The following VDR variants were observed in gnomAD, a reference collection of about 807,000 sequenced individuals.
VDR encodes vitamin D3 receptor.
Under a neutral mutation model 39.7 loss-of-function variants are expected in VDR, and 19 were observed. That is an observed-to-expected ratio of 0.48 (90% CI 0.33 to 0.70). The LOEUF is 0.70. Ranked by LOEUF, VDR falls within the 30% of genes least tolerant of loss-of-function variation. VDR has a pLI of 0.02. For synonymous variants in VDR, 242 were observed against 215.8 expected, an observed-to-expected ratio of 1.12 and a Z score of -1.07; for missense variants, 442 against 570.5, an observed-to-expected ratio of 0.77 and a Z score of 2.29.
At chr12:47,871,334 C>CTTTCTTTCTTTCTTTCTTTCTTTCTTTCT (rs1945867831) in intron 3 of VDR, among the ~76,000 whole-genome samples, 1 of 145,334 alleles carries the variant, frequency 6.9e-6, no homozygotes, top group African/African-American at 2.5e-5. Context: ...TTCTTTCTTT[C>CTTTCTTTCTTTCTTTCTTTCTTTCTTTCT]TTTCTTTCTT....
At chr12:47,878,777 A>G (rs1946065034) in intron 3 of VDR, 191 bp downstream of exon 3, 6 of 886,334 alleles carry the variant, frequency 6.8e-6, no homozygotes, top group Non-Finnish European at 1.1e-5. Context: ...TCAGAGGAAC[A>G]TCTGGAGCTG....
At chr12:47,878,408 A>G (rs1946051789) in intron 3 of VDR, among the ~76,000 whole-genome samples, 1 of 152,200 alleles carries the variant, frequency 6.6e-6, no homozygotes, top group African/African-American at 2.4e-5. Flanking sequence ...CTGATCAAAC[A>G]GGAATGCAGG....
intron 1 of VDR, among the ~76,000 whole-genome samples, chr12:47,888,735 G>C (rs1446412564): frequency 1.3e-5 from 2 of 152,138 alleles, no homozygotes; most frequent in African/African-American, 4.8e-5. Context: ...AGAACCATGG[G>C]TATTTAGAGG....
chr12:47,878,158 C>T (rs921147647), intron 3 of VDR, among the ~76,000 whole-genome samples: 14 of 152,378 alleles, frequency 9.2e-5, no homozygotes, highest in African/African-American at 3.1e-4. Flanking sequence ...TAGCCACCTC[C>T]AGTCTAGACC....
chr12:47,887,711 C>A (rs1946284326), intron 1 of VDR, among the ~76,000 whole-genome samples: 1 of 152,224 alleles, frequency 6.6e-6, no homozygotes, highest in Non-Finnish European at 1.5e-5. Context: ...GTGCTCCCAG[C>A]AGGGCTGCCA....
At position 47,844,858 on chromosome 12, in the gene VDR, C is replaced by A; in HGVS notation, c.1172G>T (p.Arg391Leu). ...CTTGGAGTGCTCCTCATTGAGGCTG[C>A]GCAGGTCGGCTAGCTTCTGGATCAT... ...AKMIQKLADL[R>L]SLNEEHSKQY... The change falls in exon 10 of 10, where the codon CGC becomes CTC. Residue 391 changes from arginine to leucine, a missense_variant. Around this residue, in one of 5 missense-constraint regions of VDR, gnomAD observed 173 missense variants for 252.0 expected, o/e 0.69. Transcript: ENST00000549336. 6.2e-7 allele frequency: 1 copy of A among 1,614,176 alleles called. No individual in the cohort carries two copies. The highest frequency in any genetic ancestry group is 1.1e-5 in the South Asian group (1 of 91,086).
chr12:47,869,396 C>A (rs1945804270), intron 3 of VDR, among the ~76,000 whole-genome samples: 2 of 151,830 alleles, frequency 1.3e-5, no homozygotes, highest in Admixed American at 6.6e-5. Context: ...ATTAGCCGGG[C>A]GTGTTGGCGG....
At chr12:47,899,176 C>A (rs1016231328) in intron 1 of VDR, among the ~76,000 whole-genome samples, 4 of 152,164 alleles carry the variant, frequency 2.6e-5, no homozygotes, top group Non-Finnish European at 5.9e-5. Context: ...TAGTCAGGTG[C>A]CAGGACAGCC....
chr12:47,857,675 A>G lies in VDR; in HGVS notation c.291T>C (p.Asp97=). The G allele has an allele frequency of 6.2e-7, 1 of 1,613,628 alleles. No homozygotes were observed. Among genetic ancestry groups the G allele is most frequent in the Non-Finnish European group, 8.5e-7 (1 of 1,179,786 alleles). ...TCTCCCGCTTCCTCTGCACTTCCTC[A>G]TCTGTCAGAATGACTGTGGGGTGGG... ...IGMMKEFILT[D]EEVQRKREMI... The change falls in exon 5 of 10, where the codon GAT becomes GAC. Residue 97 remains aspartate, a synonymous_variant. Coordinates refer to ENST00000549336, the MANE Select transcript of VDR (RefSeq NM_000376.3).
chr12:47,888,305 C>T (rs1946299707), intron 1 of VDR, among the ~76,000 whole-genome samples: 1 of 152,108 alleles, frequency 6.6e-6, no homozygotes, highest in South Asian at 2.1e-4. Flanking sequence ...AGTTGAGATT[C>T]GGTGGGGACG....
chr12:47,876,218 A>ACT (rs1480119324), intron 3 of VDR, among the ~76,000 whole-genome samples: 3 of 83,862 alleles, frequency 3.6e-5, no homozygotes, highest in African/African-American at 6.9e-5. Flanking sequence ...ATGAAGGTTG[A>ACT]CTGTGTGTGT....
intron 3 of VDR, among the ~76,000 whole-genome samples, chr12:47,869,244 T>C (rs1355896483): frequency 3.3e-5 from 5 of 151,988 alleles, no homozygotes; most frequent in African/African-American, 1.2e-4. Context: ...AGGCTAGGAA[T>C]AGGAAGAGAA....
Position 47,857,660 on chromosome 12 carries a change from C to A in VDR, c.306G>T (p.Arg102Ser). ...TCCGCTTCAGGATCATCTCCCGCTT[C>A]CTCTGCACTTCCTCATCTGTCAGAA... ...EFILTDEEVQRKREMILKRKE... is the reference protein window; with the variant it reads ...EFILTDEEVQSKREMILKRKE... The change falls in exon 5 of 10, where the codon AGG becomes AGT. Residue 102 changes from arginine to serine, a missense_variant. Around this residue, in one of 5 missense-constraint regions of VDR, gnomAD observed 46 missense variants for 82.0 expected, o/e 0.56. Transcript: ENST00000549336. 6.2e-7 allele frequency: 1 copy of A among 1,614,150 alleles called. No homozygotes were observed. The highest frequency in any genetic ancestry group is 8.5e-7 in the Non-Finnish European group (1 of 1,180,008).
rs986407270 is a variant in VDR, at chr12:47,841,887, T to A, written c.*2859A>T. The A allele has an allele frequency of 1.3e-5, 2 of 152,380 alleles. No homozygotes were observed. Among genetic ancestry groups the A allele is most frequent in the Non-Finnish European group, 2.9e-5 (2 of 68,040 alleles). The allele number at this position is 152,380 out of a possible 1,614,324, so 9.4% of individuals were successfully genotyped here. A position where few individuals can be genotyped will look rare whatever the true frequency, so the allele number is the denominator to read the frequency against. On this transcript the variant is annotated 3_prime_UTR_variant, in exon 10 of 10. Transcript: ENST00000549336. ...ACCTTCTCCTTCAGTTATAATGATA[T>A]ACCTTAAAAGTTTTACATTTACAAA...
chr12:47,862,272 C>T (rs956362997), intron 4 of VDR, among the ~76,000 whole-genome samples: 1 of 152,204 alleles, frequency 6.6e-6, no homozygotes, highest in African/African-American at 2.4e-5. Context: ...TCTCTTCAAT[C>T]CATCTCTTAG....
At chr12:47,858,888 A>T (rs1289576690) in intron 4 of VDR, among the ~76,000 whole-genome samples, 1 of 152,168 alleles carries the variant, frequency 6.6e-6, no homozygotes, top group Non-Finnish European at 1.5e-5. Flanking sequence ...TGGGGTGAGG[A>T]AGAGCCTATG....
In VDR at chr12:47,893,214, T is replaced by C. The variant is rs528805632; in HGVS notation, c.-83-10440A>G. ...TGAAGAGTTTCAGACCCCATTCAGA[T>C]CCCCATTCCAACCTGAATCCACCTT... is the stretch of plus-strand genomic sequence containing the variant. On this transcript the variant is annotated intron_variant, in intron 1 of 9. Coordinates refer to ENST00000549336, the MANE Select transcript of VDR (RefSeq NM_000376.3). Among the ~76,000 whole-genome samples, 4 of 152,306 alleles carry C rather than the reference T, an allele frequency of 2.6e-5. 1 individual carries two copies. Among genetic ancestry groups the C allele is most frequent in the African/African-American group, 9.6e-5 (4 of 41,558 alleles).
intron 4 of VDR, among the ~76,000 whole-genome samples, chr12:47,860,025 C>T (rs1346534064): frequency 6.6e-6 from 1 of 151,468 alleles, no homozygotes; most frequent in African/African-American, 2.4e-5. Flanking sequence ...TGCAGTGGCA[C>T]CACCTCGGCT....
intron 3 of VDR, among the ~76,000 whole-genome samples, chr12:47,874,389 T>G (rs1945956543): frequency 6.6e-6 from 1 of 152,234 alleles, no homozygotes; most frequent in Admixed American, 6.5e-5. Context: ...CCTGGACATC[T>G]GCCCTATTTC....
Sources: allele counts gnomAD v4.1 joint callset (sites outside exome capture counted in the v4.1 genomes callset), GRCh38; gene constraint gnomAD v4.1.1; regional missense constraint gnomAD v4.1.1; transcripts MANE v1.5; gene names NCBI Gene and HGNC (gene_info 2026-07-23, HGNC 2026-07-21).